Variants in FREM1 observed in about 807,000 individuals in gnomAD.
The protein encoded by FREM1 is FRAS1-related extracellular matrix protein 1.
FREM1 carries 220 observed loss-of-function variants against 210.1 expected under a neutral mutation model. The ratio of observed to expected loss-of-function variants is 1.05; its 90% CI spans 0.94 to 1.17. The LOEUF (loss-of-function observed/expected upper bound fraction) is 1.17, where lower values mean the gene tolerates loss of function less well. FREM1 is among the 50% of genes most tolerant of loss of function. The pLI is 0.00. For synonymous variants in FREM1, 1,189 were observed against 980.2 expected (o/e 1.21, Z -3.98); for missense variants, 3,454 against 2,675.5 (o/e 1.29, Z -6.42).
In FREM1 at chr9:14,842,327, G is replaced by T. The variant is rs772133658; in HGVS notation, c.1727C>A (p.Pro576Gln). Residue 576 changes from proline to glutamine, a missense_variant, in exon 9 of 37, where the codon CCA (proline) becomes CAA (glutamine). Transcript: ENST00000380880. ...TGCCCAGAACTTACCTATCAGTCCT[G>T]GCCCTGGCTTCTTCATGATCTCCCC... ...QAGEIMKKPG[P>Q]GLIGYPVHGF... 5.7e-6 allele frequency: 9 copies of T among 1,582,024 alleles called. No homozygotes were observed. Among genetic ancestry groups the T allele is most frequent in the Admixed American group, 5.2e-5 (3 of 58,136 alleles).
At chr9:14,822,507 T>A (rs1821556730) in intron 13 of FREM1, among the ~76,000 whole-genome samples, 1 of 152,168 alleles carries the variant, frequency 6.6e-6, no homozygotes, top group Non-Finnish European at 1.5e-5. Flanking sequence ...GTCTTCCTGC[T>A]TTTAAGGGAA....
chr9:14,760,421 T>C (rs1363566618), intron 27 of FREM1, among the ~76,000 whole-genome samples: 1 of 152,178 alleles, frequency 6.6e-6, no homozygotes, highest in Non-Finnish European at 1.5e-5. Flanking sequence ...AAAATGTACA[T>C]GTGTTTCATA....
intron 16 of FREM1, among the ~76,000 whole-genome samples, chr9:14,812,357 C>A (rs1819553126): frequency 6.6e-6 from 1 of 152,196 alleles, no homozygotes; most frequent in Non-Finnish European, 1.5e-5. Context: ...CTGGGTAAGA[C>A]ATTATCGTTA....
intron 10 of FREM1, among the ~76,000 whole-genome samples, chr9:14,838,690 G>A (rs546086540): frequency 6.6e-6 from 1 of 152,292 alleles, no homozygotes; most frequent in East Asian, 1.9e-4. Context: ...TGATCAATAA[G>A]CAGTTTGTAA....
intron 1 of FREM1, among the ~76,000 whole-genome samples, chr9:14,873,882 G>C (rs1833197080): frequency 6.6e-6 from 1 of 151,918 alleles, no homozygotes; most frequent in Non-Finnish European, 1.5e-5. Flanking sequence ...TGTTCTCGTT[G>C]GTTTCAAAGA....
At chr9:14,756,325 A>C in intron 29 of FREM1, 49 bp downstream of exon 29, 2 of 1,423,426 alleles carry the variant, frequency 1.4e-6, no homozygotes, top group Non-Finnish European at 1.9e-6. Flanking sequence ...GCCTACAAAA[A>C]AAAACAAAAA....
At position 14,759,908 on chromosome 9, in the gene FREM1, G is replaced by A. The variant is rs768459935; in HGVS notation, c.5205-7C>T. 2.4e-5 allele frequency: 39 copies of A among 1,605,100 alleles called. No individual in the cohort carries two copies. The East Asian group carries it at 8.7e-4, about 36-fold the overall frequency. On this transcript the variant is annotated splice_polypyrimidine_tract_variant and splice_region_variant and intron_variant, in intron 27 of 36. Coordinates refer to ENST00000380880, the MANE Select transcript of FREM1 (RefSeq NM_001379081.2). ...AGACCACTTCAGTTCCAAACTGTGTGTGAAAGGAAAAGAGAAATCATGAGA... is the reference window on the plus strand; with the variant it reads ...AGACCACTTCAGTTCCAAACTGTGTATGAAAGGAAAAGAGAAATCATGAGA...
chr9:14,900,288 C>T (rs1211711044), intron 1 of FREM1, among the ~76,000 whole-genome samples: 2 of 152,320 alleles, frequency 1.3e-5, no homozygotes, highest in East Asian at 1.9e-4. Flanking sequence ...TTTAAAAGTA[C>T]TCCAGGTGAT....
intron 28 of FREM1, among the ~76,000 whole-genome samples, chr9:14,759,135 C>A (rs1440848631): frequency 6.6e-6 from 1 of 152,146 alleles, no homozygotes; most frequent in African/African-American, 2.4e-5. Context: ...TTGAATATAG[C>A]TCCCTATGAA....
chr9:14,876,895 C>T (rs771647035), intron 1 of FREM1, among the ~76,000 whole-genome samples: 8 of 152,146 alleles, frequency 5.3e-5, no homozygotes, highest in Non-Finnish European at 8.8e-5. Flanking sequence ...TGGCATCTAA[C>T]GCAACAGCAC....
intron 1 of FREM1, among the ~76,000 whole-genome samples, chr9:14,883,576 A>G (rs913171362): frequency 6.6e-6 from 1 of 152,206 alleles, no homozygotes; most frequent in African/African-American, 2.4e-5. Flanking sequence ...AAACAGAACA[A>G]CAGCAAAGCA....
intron 16 of FREM1, among the ~76,000 whole-genome samples, chr9:14,809,008 C>A (rs889336110): frequency 6.6e-6 from 1 of 152,214 alleles, no homozygotes; most frequent in Non-Finnish European, 1.5e-5. Flanking sequence ...GCTCAAATCT[C>A]ATCTTGAATT....
chr9:14,804,991 C>T lies in FREM1; in HGVS notation c.3436G>A (p.Asp1146Asn). The change falls in exon 19 of 37, where the codon GAT (aspartate) becomes AAT (asparagine). Residue 1146 changes from aspartate (D) to asparagine (N), a missense_variant. Physicochemically the swap from Asp to Asn is conservative, Grantham distance 23. Coordinates refer to ENST00000380880, the MANE Select transcript of FREM1 (RefSeq NM_001379081.2). ...PFSIIINPTN[D>N]EAPDFVVQNI... ...TGCACTACAAAGTCAGGAGCTTCAT[C>T]ATTTGTGGGGTTGATTATAATAGAA... The T allele has an allele frequency of 6.2e-7, 1 of 1,613,468 alleles. No homozygotes were observed. The highest frequency in any genetic ancestry group is 8.5e-7 in the Non-Finnish European group (1 of 1,179,450).
chr9:14,900,760 T>C (rs1056835894), intron 1 of FREM1, among the ~76,000 whole-genome samples: 10 of 152,242 alleles, frequency 6.6e-5, no homozygotes, highest in African/African-American at 2.4e-4. Context: ...AGTACACAAG[T>C]CAGTGGCACA....
chr9:14,780,296 G>A (rs1026938560), intron 24 of FREM1, among the ~76,000 whole-genome samples: 1 of 152,020 alleles, frequency 6.6e-6, no homozygotes, highest in Non-Finnish European at 1.5e-5. Flanking sequence ...TGGGGTGCCT[G>A]CCTGGTCTGA....
At chr9:14,884,091 T>G (rs1463742592) in intron 1 of FREM1, among the ~76,000 whole-genome samples, 2 of 151,950 alleles carry the variant, frequency 1.3e-5, no homozygotes, top group East Asian at 3.9e-4. Flanking sequence ...CAGCCGGGCG[T>G]GGTGGTGGGT....
At chr9:14,857,866 T>C (rs146443018) in intron 4 of FREM1, 117 bp from the exon 5 acceptor site, 11 of 618,980 alleles carry the variant, frequency 1.8e-5, no homozygotes, top group African/African-American at 1.3e-4. Flanking sequence ...GGAACACTCA[T>C]GTACCTTCCA....
At chr9:14,781,998 C>T (rs1239708580) in intron 24 of FREM1, among the ~76,000 whole-genome samples, 2 of 152,244 alleles carry the variant, frequency 1.3e-5, no homozygotes, top group Non-Finnish European at 2.9e-5. Context: ...AGCCACTGCC[C>T]CAGCCTCAAC....
At position 14,824,995 on chromosome 9, in the gene FREM1, G is replaced by T. The variant is rs779474090; in HGVS notation, c.1882-3C>A. 9.0e-6 allele frequency: 14 copies of T among 1,562,174 alleles called. No homozygotes were observed. Among genetic ancestry groups the T allele is most frequent in the Non-Finnish European group, 1.2e-5 (14 of 1,163,782 alleles). ...GGAGTTATATGGATTGTTGCCACCT[G>T]GAATAAAAATGTCTGTACCATTAAT... On this transcript the variant is annotated splice_region_variant and splice_polypyrimidine_tract_variant and intron_variant, in intron 10 of 36. Transcript: ENST00000380880.
Sources: gnomAD v4.1 joint callset for allele counts (sites outside exome capture counted in the v4.1 genomes callset) on GRCh38, gnomAD v4.1.1 for gene constraint, MANE v1.5 for transcripts, NCBI Gene and HGNC (gene_info 2026-07-23, HGNC 2026-07-21) for gene names.